Variants in MYCBP2 observed in about 807,000 individuals in gnomAD.
MYCBP2 encodes E3 ubiquitin-protein ligase MYCBP2.
MYCBP2 carries 120 observed loss-of-function variants against 525.3 expected under a neutral mutation model. The observed-to-expected ratio is 0.23, with a 90% confidence interval of 0.20 to 0.27. The LOEUF (loss-of-function observed/expected upper bound fraction) is 0.27, where lower values mean the gene tolerates loss of function less well. Among genes scored for constraint, MYCBP2 ranks in the 10% least tolerant of loss-of-function variants. MYCBP2 has a pLI of 1.00. For missense variants in MYCBP2, 4,149 were observed against 5,657.1 expected (o/e 0.73, Z 8.55); for synonymous variants, 1,894 against 1,955.8 (o/e 0.97, Z 0.83).
intron 27 of MYCBP2, 100 bp from the exon 28 acceptor site, chr13:77,191,913 CTG>C (rs1027807092): frequency 1.1e-5 from 13 of 1,143,746 alleles, no homozygotes; most frequent in African/African-American, 1.1e-4. Context: ...ATGAAACTAA[CTG>C]TATTATAAAA....
intron 47 of MYCBP2, among the ~76,000 whole-genome samples, chr13:77,146,870 T>C (rs1031675897): frequency 1.3e-5 from 2 of 152,150 alleles, no homozygotes; most frequent in Non-Finnish European, 2.9e-5. Context: ...GTGCATGCCC[T>C]ACAACTTAAC....
intron 47 of MYCBP2, among the ~76,000 whole-genome samples, chr13:77,150,157 G>A (rs2154192933): frequency 6.6e-6 from 1 of 152,150 alleles, no homozygotes; most frequent in East Asian, 1.9e-4. Flanking sequence ...GTATTAGAGA[G>A]CTAAAAATCC....
chr13:77,098,584 G>A lies in MYCBP2; in HGVS notation c.8570C>T (p.Pro2857Leu), dbSNP rs763876714. ...AGGAGGATCAAGCTTTGTCTTAACAGGAGCAGTACTTTTTTGAGGTAGATT... is the reference window on the plus strand; with the variant it reads ...AGGAGGATCAAGCTTTGTCTTAACAAGAGCAGTACTTTTTTGAGGTAGATT... ...DKNLPQKSTA[P>L]VKTKLDPPRE... The change falls in exon 56 of 83, where the codon CCT (proline) becomes CTT (leucine). Residue 2857 changes from proline to leucine, a missense_variant. By Grantham distance (98) the Pro-to-Leu change is moderately conservative (BLOSUM62 -3). This residue lies in a region of MYCBP2 where 653 missense variants were observed against 744.7 expected (regional missense o/e 0.88). Transcript: ENST00000544440. 7 of 1,613,738 alleles carry A rather than the reference G, an allele frequency of 4.3e-6. No homozygotes were observed. Among genetic ancestry groups the A allele is most frequent in the Non-Finnish European group, 5.9e-6 (7 of 1,179,784 alleles).
intron 15 of MYCBP2, 64 bp downstream of exon 15, chr13:77,251,087 C>T (rs954564829): frequency 3.1e-5 from 47 of 1,497,188 alleles, no homozygotes; most frequent in African/African-American, 1.1e-4. Flanking sequence ...GAGTATACTC[C>T]GGAATGATTT....
At chr13:77,110,117 G>A (rs1000930974) in intron 55 of MYCBP2, 1 of 152,200 alleles carries the variant, frequency 6.6e-6, no homozygotes, top group African/African-American at 2.4e-5. Flanking sequence ...GACTGCCTGC[G>A]GGGTTAGGCA....
intron 1 of MYCBP2, among the ~76,000 whole-genome samples, chr13:77,301,222 T>G (rs564024291): frequency 6.6e-6 from 1 of 151,522 alleles, no homozygotes; most frequent in East Asian, 1.9e-4. Flanking sequence ...CGAGACCAGC[T>G]TGGCCAACAT....
intron 21 of MYCBP2, among the ~76,000 whole-genome samples, chr13:77,214,438 A>T (rs2154286331): frequency 6.7e-6 from 1 of 149,686 alleles, no homozygotes; most frequent in African/African-American, 2.6e-5. Context: ...ACAATGGGGT[A>T]TTACATGGAG....
intron 52 of MYCBP2, among the ~76,000 whole-genome samples, chr13:77,136,523 C>T (rs1160169735): frequency 1.3e-5 from 2 of 152,084 alleles, no homozygotes; most frequent in Non-Finnish European, 2.9e-5. Context: ...GCAACTAGTA[C>T]TATAATTTGC....
At chr13:77,103,739 G>A (rs1417720960) in intron 55 of MYCBP2, among the ~76,000 whole-genome samples, 1 of 151,752 alleles carries the variant, frequency 6.6e-6, no homozygotes, top group African/African-American at 2.4e-5. Flanking sequence ...TTGTCACTTG[G>A]TTTCCTGAAT....
intron 1 of MYCBP2, among the ~76,000 whole-genome samples, chr13:77,314,925 T>TA (rs998648917): frequency 1.7e-4 from 26 of 152,024 alleles, no homozygotes; most frequent in Admixed American, 3.9e-4. Context: ...AAACTGCTCT[T>TA]AAAAAAATAT....
chr13:77,053,787 T>C (rs764482669), intron 80 of MYCBP2, among the ~76,000 whole-genome samples: 1 of 152,210 alleles, frequency 6.6e-6, no homozygotes, highest in African/African-American at 2.4e-5. Flanking sequence ...TCCTCTGTAT[T>C]TTCTTTTTGC....
chr13:77,225,679 T>C (rs1298125940), intron 18 of MYCBP2, 125 bp from the exon 19 acceptor site: 11 of 1,233,426 alleles, frequency 8.9e-6, no homozygotes, highest in African/African-American at 1.5e-5. Flanking sequence ...GAAGAATCTG[T>C]AGCTGTTAGA....
At chr13:77,248,048 G>A (rs1427341840) in intron 15 of MYCBP2, among the ~76,000 whole-genome samples, 1 of 151,184 alleles carries the variant, frequency 6.6e-6, no homozygotes, top group Non-Finnish European at 1.5e-5. Context: ...GTTAAATAAC[G>A]AGTTAATGGG....
intron 18 of MYCBP2, among the ~76,000 whole-genome samples, chr13:77,229,718 AAG>A (rs1208756807): frequency 2.0e-5 from 3 of 152,212 alleles, no homozygotes; most frequent in Admixed American, 6.5e-5. Flanking sequence ...ACTGAAGCCA[AAG>A]AGATTAAGAC....
intron 1 of MYCBP2, among the ~76,000 whole-genome samples, chr13:77,302,920 T>C (rs981324754): frequency 3.3e-5 from 5 of 152,124 alleles, no homozygotes; most frequent in East Asian, 1.9e-4. Context: ...TAAAGTAAAA[T>C]TGACAGAAGT....
At chr13:77,140,354 A>G (rs1372552880) in intron 50 of MYCBP2, among the ~76,000 whole-genome samples, 191 bp from the exon 51 acceptor site, 1 of 152,230 alleles carries the variant, frequency 6.6e-6, no homozygotes, top group African/African-American at 2.4e-5. Flanking sequence ...AAGCACTGAA[A>G]TGTGTATTAC....
intron 46 of MYCBP2, among the ~76,000 whole-genome samples, chr13:77,155,681 A>G (rs527693820): frequency 1.2e-4 from 18 of 152,182 alleles, no homozygotes; most frequent in Non-Finnish European, 2.6e-4. Context: ...AATACCAAAC[A>G]CAGAACGTAC....
intron 15 of MYCBP2, among the ~76,000 whole-genome samples, chr13:77,249,989 C>A (rs1207888053): frequency 6.6e-6 from 1 of 151,948 alleles, no homozygotes; most frequent in South Asian, 2.1e-4. Flanking sequence ...TTTGGGAGGC[C>A]GAGGCGGGCG....
At chr13:77,212,679 A>C (rs1456700698) in intron 21 of MYCBP2, among the ~76,000 whole-genome samples, 1 of 152,214 alleles carries the variant, frequency 6.6e-6, no homozygotes, top group East Asian at 1.9e-4. Context: ...ATATGTCCCT[A>C]AATTATTTCA....
Sources: allele counts gnomAD v4.1 joint callset (sites outside exome capture counted in the v4.1 genomes callset), GRCh38; gene constraint gnomAD v4.1.1; regional missense constraint gnomAD v4.1.1; transcripts MANE v1.5; gene names NCBI Gene and HGNC (gene_info 2026-07-23, HGNC 2026-07-21).